Variants in ITSN1 observed in about 807,000 individuals in gnomAD.
The protein encoded by ITSN1 is intersectin-1.
In ITSN1, 58 loss-of-function variants were observed where a neutral mutation model predicts 239.8. The ratio of observed to expected loss-of-function variants is 0.24; its 90% confidence interval spans 0.20 to 0.30. The LOEUF is 0.30. Ranked by LOEUF, ITSN1 falls within the 10% of genes least tolerant of loss-of-function variation. The pLI, the probability that ITSN1 is intolerant of heterozygous loss-of-function variation, is 1.00. For synonymous variants in ITSN1, 780 were observed against 770.8 expected, an observed-to-expected ratio of 1.01 and a Z score of -0.20; for missense variants, 1,558 against 2,103.3, an observed-to-expected ratio of 0.74 and a Z score of 5.07.
At position 33,895,526 on chromosome 21, in the gene ITSN1, TGTGTGTGTCTACGTGTGTGTGCACGC is replaced by T. The variant is rs1986682934; in HGVS notation, c.*7227_*7252del. ...GCGTGCGCGTGTTTGTGTGTGCATG[TGTGTGTGTCTACGTGTGTGTGCACGC>T]ATGTGTGTGCGTGTATGTGTGCGTG... On this transcript the variant is annotated 3_prime_UTR_variant, in exon 40 of 40. Coordinates refer to ENST00000381318, the MANE Select transcript of ITSN1 (RefSeq NM_003024.3). 1.6e-4 allele frequency: 13 copies of T among 78,882 alleles called. No individual in the cohort carries two copies. The highest frequency in any genetic ancestry group is 3.4e-4 in the East Asian group (1 of 2,926). The allele number at this position is 78,882 out of a possible 1,614,324, so 4.9% of individuals were successfully genotyped here. A position where few individuals can be genotyped will look rare whatever the true frequency, so the allele number is the denominator to read the frequency against.
At chr21:33,779,789 A>G (rs1207650712) in intron 14 of ITSN1, among the ~76,000 whole-genome samples, 1 of 152,178 alleles carries the variant, frequency 6.6e-6, no homozygotes, top group African/African-American at 2.4e-5. Context: ...GCTGGAAATT[A>G]TTTTAAAATA....
chr21:33,836,552 A>G lies in ITSN1; in HGVS notation c.3581A>G (p.Lys1194Arg), dbSNP rs2074615127. Residue 1194 changes from lysine (K) to arginine (R), a missense_variant, in exon 29 of 40, where the codon AAA becomes AGA. Physicochemically the swap from Lys to Arg is conservative, Grantham distance 26 (BLOSUM62 2). Transcript: ENST00000381318. ...VLNKEDPDWW[K>R]GEVNGQVGLF... Reference sequence around the variant, plus strand: ...AACAAGGAGGACCCTGACTGGTGGAAAGGAGAAGTCAATGGACAAGTGGGG... The same window carrying G: ...AACAAGGAGGACCCTGACTGGTGGAGAGGAGAAGTCAATGGACAAGTGGGG... The G allele has an allele frequency of 6.2e-7, 1 of 1,614,006 alleles. No homozygotes were observed. Among genetic ancestry groups the G allele is most frequent in the African/African-American group, 1.3e-5 (1 of 74,928 alleles).
chr21:33,828,965 C>T (rs1030022084), intron 26 of ITSN1: 1 of 471,610 alleles, frequency 2.1e-6, no homozygotes, highest in Non-Finnish European at 4.4e-6. Context: ...TTCTTAACTC[C>T]AGGTCCCTCC....
chr21:33,847,075 T>G (rs1249285100), intron 29 of ITSN1, among the ~76,000 whole-genome samples: 3 of 152,168 alleles, frequency 2.0e-5, no homozygotes, highest in Non-Finnish European at 4.4e-5. Flanking sequence ...GCCTCTTGGG[T>G]TCCTATGGGA....
intron 28 of ITSN1, among the ~76,000 whole-genome samples, chr21:33,834,836 G>T (rs1219510137): frequency 6.6e-6 from 1 of 152,040 alleles, no homozygotes; most frequent in Admixed American, 6.6e-5. Flanking sequence ...GGGTTGGGGG[G>T]CTATAATGTG....
intron 16 of ITSN1, among the ~76,000 whole-genome samples, chr21:33,790,018 T>C (rs1247319015): frequency 6.6e-6 from 1 of 152,188 alleles, no homozygotes; most frequent in African/African-American, 2.4e-5. Flanking sequence ...TTTTCGTTTA[T>C]CTTAACTAAT....
intron 1 of ITSN1, among the ~76,000 whole-genome samples, chr21:33,650,696 C>G (rs1487719204): frequency 6.6e-6 from 1 of 152,132 alleles, no homozygotes; most frequent in Admixed American, 6.6e-5. Flanking sequence ...TGCATTTTGG[C>G]CACTGATGAA....
At chr21:33,804,616 G>C (rs953629351) in intron 20 of ITSN1, among the ~76,000 whole-genome samples, 1 of 152,160 alleles carries the variant, frequency 6.6e-6, no homozygotes, top group African/African-American at 2.4e-5. Context: ...GGCCTCTCTT[G>C]ATCTGGAACT....
chr21:33,761,596 A>ATT (rs1430988856), intron 8 of ITSN1, among the ~76,000 whole-genome samples: 3 of 152,188 alleles, frequency 2.0e-5, no homozygotes, highest in African/African-American at 7.2e-5. Flanking sequence ...AAGTTTGTAA[A>ATT]TAAAGCCCAA....
intron 4 of ITSN1, among the ~76,000 whole-genome samples, chr21:33,730,388 CTTTTTTTTT>C (rs71194863): frequency 2.0e-4 from 10 of 49,368 alleles, no homozygotes; most frequent in South Asian, 6.9e-4. Flanking sequence ...GCTCTCTGTT[CTTTTTTTTT>C]TTTTTTTTTT....
intron 31 of ITSN1, among the ~76,000 whole-genome samples, chr21:33,860,743 T>A (rs1236491061): frequency 6.6e-6 from 1 of 152,078 alleles, no homozygotes; most frequent in Non-Finnish European, 1.5e-5. Flanking sequence ...GAATAGAGAC[T>A]CCGCCCAGTC....
At chr21:33,838,307 G>A (rs776200261) in intron 29 of ITSN1, 15 of 985,230 alleles carry the variant, frequency 1.5e-5, no homozygotes, top group Non-Finnish European at 1.8e-5. Flanking sequence ...GCTGGTGGTC[G>A]TGTAGAGGTC....
chr21:33,717,946 T>C (rs1008451813), intron 1 of ITSN1, among the ~76,000 whole-genome samples: 4 of 152,166 alleles, frequency 2.6e-5, no homozygotes, highest in Non-Finnish European at 5.9e-5. Context: ...AAATAATGCC[T>C]GATGGAGATT....
chr21:33,773,629 CAG>C (rs1255036221), intron 12 of ITSN1, among the ~76,000 whole-genome samples: 1 of 151,876 alleles, frequency 6.6e-6, no homozygotes, highest in Non-Finnish European at 1.5e-5. Flanking sequence ...GCCTAGGTGA[CAG>C]AGCAAGAACC....
chr21:33,736,793 C>T (rs1472083066), intron 5 of ITSN1, among the ~76,000 whole-genome samples: 1 of 152,140 alleles, frequency 6.6e-6, no homozygotes, highest in Non-Finnish European at 1.5e-5. Context: ...GGAGACCAGC[C>T]TGGCAACATA....
At chr21:33,694,768 G>T (rs1450950170) in intron 1 of ITSN1, among the ~76,000 whole-genome samples, 1 of 152,066 alleles carries the variant, frequency 6.6e-6, no homozygotes, top group Non-Finnish European at 1.5e-5. Flanking sequence ...GCAGTGAGCC[G>T]ATATCACACC....
chr21:33,792,029 GAAAT>G (rs1253344637), intron 16 of ITSN1, among the ~76,000 whole-genome samples: 13 of 152,022 alleles, frequency 8.6e-5, no homozygotes, highest in African/African-American at 2.2e-4. Flanking sequence ...AACAGATACT[GAAAT>G]AAATAAATAC....
chr21:33,710,328 C>T (rs1291783854), intron 1 of ITSN1, among the ~76,000 whole-genome samples: 1 of 151,768 alleles, frequency 6.6e-6, no homozygotes, highest in African/African-American at 2.4e-5. Context: ...ACCGCCCGTC[C>T]CAAAGTGCTG....
intron 1 of ITSN1, among the ~76,000 whole-genome samples, chr21:33,647,866 C>T (rs914793328): frequency 6.6e-6 from 1 of 152,198 alleles, no homozygotes; most frequent in African/African-American, 2.4e-5. Flanking sequence ...TCCACGGTTA[C>T]TTATAACCCT....
Sources: gnomAD v4.1 joint callset for allele counts (sites outside exome capture counted in the v4.1 genomes callset) on GRCh38, gnomAD v4.1.1 for gene constraint, MANE v1.5 for transcripts, NCBI Gene and HGNC (gene_info 2026-07-23, HGNC 2026-07-21) for gene names.